Variants in COG3 observed in about 807,000 individuals in gnomAD.
The protein encoded by COG3 is component of oligomeric golgi complex 3, also known as conserved oligomeric Golgi complex subunit 3.
In COG3, 32 loss-of-function variants were observed where a neutral mutation model predicts 114.1. The ratio of observed to expected loss-of-function variants is 0.28; its 90% CI spans 0.21 to 0.38. COG3 has a LOEUF of 0.38. Ranked by LOEUF, COG3 falls within the 10% of genes least tolerant of loss-of-function variation. The probability of loss-of-function intolerance (pLI) is 1.00; values close to 1 mark genes in which losing one functional copy is unlikely to be tolerated. For synonymous variants in COG3, 352 were observed against 365.7 expected (o/e 0.96, Z 0.43); for missense variants, 813 against 973.2 (o/e 0.84, Z 2.19).
At chr13:45,514,611 A>G (rs1298396245) in intron 16 of COG3, among the ~76,000 whole-genome samples, 1 of 151,852 alleles carries the variant, frequency 6.6e-6, no homozygotes. Flanking sequence ...AATTTGATAG[A>G]CACTAGCTTA....
chr13:45,509,596 C>A (rs1870629910), intron 14 of COG3, 96 bp from the exon 15 acceptor site: 1 of 1,487,326 alleles, frequency 6.7e-7, no homozygotes, highest in Admixed American at 1.9e-5. Flanking sequence ...CTACTTATAG[C>A]TAATGAGAAT....
At chr13:45,471,242 GAA>G (rs113159140) in intron 1 of COG3, among the ~76,000 whole-genome samples, 1 of 149,794 alleles carries the variant, frequency 6.7e-6, no homozygotes, top group African/African-American at 2.5e-5. Flanking sequence ...CGTCTCTACA[GAA>G]AAAAAAAAGA....
chr13:45,488,095 G>A (rs1886781073), intron 8 of COG3, among the ~76,000 whole-genome samples: 1 of 152,136 alleles, frequency 6.6e-6, no homozygotes. Flanking sequence ...TGGAACTAGA[G>A]GTCATTAAGT....
At chr13:45,491,563 A>C in intron 10 of COG3, 25 bp downstream of exon 10, 2 of 1,604,148 alleles carry the variant, frequency 1.2e-6, no homozygotes, top group Non-Finnish European at 1.7e-6. Context: ...GTTTTGGTTT[A>C]ATGTTAAATC....
At chr13:45,503,120 T>G (rs191544706) in intron 13 of COG3, 124 bp from the exon 14 acceptor site, 2 of 464,946 alleles carry the variant, frequency 4.3e-6, no homozygotes, top group Non-Finnish European at 7.7e-6. Context: ...TATCCAGTCT[T>G]AAATCTGAAT....
chr13:45,508,130 C>T (rs1223839929), intron 14 of COG3, among the ~76,000 whole-genome samples: 2 of 146,006 alleles, frequency 1.4e-5, no homozygotes, highest in Non-Finnish European at 3.0e-5. Context: ...CAACCTTTCT[C>T]CCTCATCCCT....
In COG3 at chr13:45,534,861, T is replaced by C; in HGVS notation, c.*130T>C. On this transcript the variant is annotated 3_prime_UTR_variant, in exon 23 of 23. Coordinates refer to ENST00000349995, the MANE Select transcript of COG3 (RefSeq NM_031431.4). The stretch of plus-strand genomic sequence containing the variant: ...AGAACCACACGAGCGTGCTGCTCAG[T>C]GCTGACTGCAGAATGAAATAGAAGC... 1 of 1,323,654 alleles carries C rather than the reference T, an allele frequency of 7.6e-7. No homozygotes were observed. The highest frequency in any genetic ancestry group is 9.6e-7 in the Non-Finnish European group (1 of 1,038,584). 82.0% of individuals were successfully genotyped at this position (1,323,654 alleles called of 1,614,324 possible).
chr13:45,490,481 G>A (rs992018373), intron 8 of COG3, among the ~76,000 whole-genome samples: 3 of 152,126 alleles, frequency 2.0e-5, no homozygotes, highest in Non-Finnish European at 2.9e-5. Flanking sequence ...GATATCAGTA[G>A]AAATGGGATA....
At chr13:45,488,608 CA>C (rs1886818031) in intron 8 of COG3, among the ~76,000 whole-genome samples, 1 of 151,930 alleles carries the variant, frequency 6.6e-6, no homozygotes, top group South Asian at 2.1e-4. Context: ...TGCAGTAATC[CA>C]GGTGAGATTA....
At chr13:45,489,019 C>T (rs888313722) in intron 8 of COG3, among the ~76,000 whole-genome samples, 2 of 151,382 alleles carry the variant, frequency 1.3e-5, no homozygotes, top group Non-Finnish European at 2.9e-5. Flanking sequence ...GAAACCCTGT[C>T]TGTACCAAAA....
At chr13:45,516,442 A>G (rs1871551816) in intron 17 of COG3, among the ~76,000 whole-genome samples, 179 bp downstream of exon 17, 1 of 152,068 alleles carries the variant, frequency 6.6e-6, no homozygotes, top group Non-Finnish European at 1.5e-5. Flanking sequence ...AACTTGCTGT[A>G]TTTTCTTTAT....
At chr13:45,491,018 TC>T in intron 9 of COG3, 60 bp downstream of exon 9, 1 of 1,103,002 alleles carries the variant, frequency 9.1e-7, no homozygotes, top group African/African-American at 1.6e-5. Flanking sequence ...GTACTGTTTT[TC>T]CAAATCTGGA....
chr13:45,491,346 G>A, intron 9 of COG3, 66 bp from the exon 10 acceptor site: 6 of 1,535,118 alleles, frequency 3.9e-6, no homozygotes, highest in Non-Finnish European at 5.3e-6. Flanking sequence ...CCTACACTGG[G>A]ATTTAAGATG....
At chr13:45,532,089 T>C (rs1004084503) in intron 22 of COG3, 1 of 152,234 alleles carries the variant, frequency 6.6e-6, no homozygotes, top group African/African-American at 2.4e-5. Context: ...TCTGGATATT[T>C]CATTAAATGG....
intron 19 of COG3, among the ~76,000 whole-genome samples, chr13:45,520,710 T>TC (rs397963967): frequency 6.6e-6 from 1 of 151,994 alleles, no homozygotes; most frequent in Non-Finnish European, 1.5e-5. Flanking sequence ...TGCATTTTTT[T>TC]CCCACCACAA....
chr13:45,490,587 A>AT (rs549713017), intron 8 of COG3, among the ~76,000 whole-genome samples: 18 of 152,030 alleles, frequency 1.2e-4, no homozygotes, highest in Non-Finnish European at 2.4e-4. Context: ...CCTTCTATAC[A>AT]TTTTTATCTA....
chr13:45,512,690 T>C (rs1345255247), intron 16 of COG3, among the ~76,000 whole-genome samples: 2 of 151,972 alleles, frequency 1.3e-5, no homozygotes, highest in Non-Finnish European at 2.9e-5. Context: ...TGCAGTGGTA[T>C]GATCTCTGTT....
chr13:45,509,447 A>G (rs1870614312), intron 14 of COG3, among the ~76,000 whole-genome samples: 1 of 152,240 alleles, frequency 6.6e-6, no homozygotes, highest in African/African-American at 2.4e-5. Context: ...TTGAGCATAT[A>G]TATATGAAGC....
At chr13:45,533,078 C>T (rs1294585583) in intron 22 of COG3, among the ~76,000 whole-genome samples, 1 of 151,674 alleles carries the variant, frequency 6.6e-6, no homozygotes, top group Non-Finnish European at 1.5e-5. Context: ...GTGAATGTGG[C>T]GGGAGCTCAT....
Sources: allele counts gnomAD v4.1 joint callset (sites outside exome capture counted in the v4.1 genomes callset), GRCh38; gene constraint gnomAD v4.1.1; transcripts MANE v1.5; gene names NCBI Gene and HGNC (gene_info 2026-07-23, HGNC 2026-07-21).